Variants in SLIT3 observed in about 807,000 individuals in gnomAD.
SLIT3 encodes the protein slit homolog 3 protein.
SLIT3 carries 68 observed loss-of-function variants against 184.0 expected under a neutral mutation model. That is an observed-to-expected ratio of 0.37 (90% CI 0.30 to 0.45). The LOEUF (loss-of-function observed/expected upper bound fraction) is 0.45. SLIT3 is among the 20% of genes least tolerant of loss of function. SLIT3 has a pLI of 1.00. For missense variants in SLIT3, 1,707 were observed against 2,026.0 expected (o/e 0.84, Z 3.02); for synonymous variants, 831 against 828.6 (o/e 1.00, Z -0.05).
At chr5:169,281,878 C>CCG (rs1443799572) in intron 1 of SLIT3, among the ~76,000 whole-genome samples, 1 of 151,820 alleles carries the variant, frequency 6.6e-6, no homozygotes, top group Non-Finnish European at 1.5e-5. Context: ...GTAATTTTCC[C>CCG]CCCCAGGGGA....
intron 6 of SLIT3, among the ~76,000 whole-genome samples, chr5:168,824,639 C>T (rs991355024): frequency 2.6e-5 from 4 of 152,178 alleles, no homozygotes; most frequent in Non-Finnish European, 5.9e-5. Flanking sequence ...TCCCTGACCC[C>T]ACACCTGCCT....
intron 4 of SLIT3, among the ~76,000 whole-genome samples, chr5:168,976,243 G>A (rs1418783145): frequency 1.3e-5 from 2 of 152,176 alleles, no homozygotes; most frequent in Non-Finnish European, 2.9e-5. Context: ...AGCTCCCTGA[G>A]TCCACTTTCT....
At chr5:169,194,818 C>T (rs1327538229) in intron 3 of SLIT3, among the ~76,000 whole-genome samples, 2 of 152,136 alleles carry the variant, frequency 1.3e-5, no homozygotes, top group Non-Finnish European at 2.9e-5. Context: ...CACAGAAAGG[C>T]TACCTGAGTT....
At chr5:168,890,098 C>T (rs1188897793) in intron 4 of SLIT3, among the ~76,000 whole-genome samples, 2 of 149,042 alleles carry the variant, frequency 1.3e-5, no homozygotes, top group African/African-American at 2.5e-5. Context: ...CAAGATCACA[C>T]CACCGCACCC....
At chr5:168,682,671 G>A (rs1333643492) in intron 32 of SLIT3, among the ~76,000 whole-genome samples, 1 of 152,164 alleles carries the variant, frequency 6.6e-6, no homozygotes, top group Non-Finnish European at 1.5e-5. Context: ...GGGCGGTTTT[G>A]CTTCTAAGTA....
chr5:169,111,553 A>T (rs565308308), intron 4 of SLIT3, among the ~76,000 whole-genome samples: 1 of 152,260 alleles, frequency 6.6e-6, no homozygotes, highest in South Asian at 2.1e-4. Flanking sequence ...GGAGTTCAAG[A>T]CAAGCCTGGC....
intron 4 of SLIT3, among the ~76,000 whole-genome samples, chr5:168,987,229 G>A (rs1008821077): frequency 2.6e-5 from 4 of 151,964 alleles, no homozygotes; most frequent in Non-Finnish European, 5.9e-5. Flanking sequence ...CTTTACTCTG[G>A]ATTCCACTGC....
intron 4 of SLIT3, among the ~76,000 whole-genome samples, chr5:169,073,154 C>T (rs1266991056): frequency 6.6e-6 from 1 of 152,124 alleles, no homozygotes; most frequent in Non-Finnish European, 1.5e-5. Flanking sequence ...CCTCTCTTTT[C>T]CCAGTGCCTT....
chr5:168,740,910 A>G (rs1261689147), intron 20 of SLIT3, among the ~76,000 whole-genome samples: 1 of 152,236 alleles, frequency 6.6e-6, no homozygotes, highest in South Asian at 2.1e-4. Flanking sequence ...TTGGCACTCA[A>G]TTGGCCCAGG....
chr5:168,840,474 G>A (rs1758204575), intron 6 of SLIT3, among the ~76,000 whole-genome samples: 2 of 141,952 alleles, frequency 1.4e-5, no homozygotes, highest in South Asian at 2.2e-4. Flanking sequence ...ATGATGGTAC[G>A]TTAGTCAGGG....
At chr5:169,242,195 G>A (rs1215065616) in intron 3 of SLIT3, among the ~76,000 whole-genome samples, 1 of 152,198 alleles carries the variant, frequency 6.6e-6, no homozygotes, top group Non-Finnish European at 1.5e-5. Flanking sequence ...CAGGATTAAT[G>A]TCACACACAT....
intron 4 of SLIT3, among the ~76,000 whole-genome samples, chr5:168,935,407 T>C (rs1420933698): frequency 6.6e-6 from 1 of 152,168 alleles, no homozygotes; most frequent in Non-Finnish European, 1.5e-5. Context: ...GGATGATTTG[T>C]TCCTATTGTG....
intron 4 of SLIT3, among the ~76,000 whole-genome samples, chr5:169,078,641 A>G (rs1028931957): frequency 2.0e-5 from 3 of 152,184 alleles, no homozygotes; most frequent in African/African-American, 7.2e-5. Flanking sequence ...CTTCTAAGAA[A>G]TATGTCTAAA....
intron 7 of SLIT3, among the ~76,000 whole-genome samples, chr5:168,821,485 A>G (rs1195752798): frequency 5.3e-5 from 8 of 152,186 alleles, no homozygotes; most frequent in Non-Finnish European, 1.2e-4. Flanking sequence ...TCCCCAGCTC[A>G]TCTGTGGTTT....
chr5:168,939,132 A>C (rs1198541926), intron 4 of SLIT3, among the ~76,000 whole-genome samples: 1 of 152,146 alleles, frequency 6.6e-6, no homozygotes, highest in African/African-American at 2.4e-5. Flanking sequence ...GACTAAAAGA[A>C]CCCAATGCAG....
At chr5:169,093,900 C>T (rs1490340247) in intron 4 of SLIT3, among the ~76,000 whole-genome samples, 1 of 152,142 alleles carries the variant, frequency 6.6e-6, no homozygotes, top group Non-Finnish European at 1.5e-5. Flanking sequence ...TTAAAAAGTA[C>T]TAAGAATAGA....
chr5:168,813,388 T>G (rs1757230601), intron 8 of SLIT3, among the ~76,000 whole-genome samples: 2 of 151,484 alleles, frequency 1.3e-5, no homozygotes, highest in African/African-American at 4.8e-5. Flanking sequence ...ATCATGAACT[T>G]TGATAAAGTT....
At chr5:169,282,163 A>G (rs914659976) in intron 1 of SLIT3, among the ~76,000 whole-genome samples, 2 of 152,196 alleles carry the variant, frequency 1.3e-5, no homozygotes, top group African/African-American at 4.8e-5. Context: ...AGGTGGGAGA[A>G]CCAGCATCTA....
chr5:168,971,755 A>G (rs1028320643), intron 4 of SLIT3, among the ~76,000 whole-genome samples: 1 of 152,194 alleles, frequency 6.6e-6, no homozygotes, highest in African/African-American at 2.4e-5. Flanking sequence ...CTCCATAGAA[A>G]TGTCTGCTTT....
Sources: allele counts gnomAD v4.1 joint callset (sites outside exome capture counted in the v4.1 genomes callset), GRCh38; gene constraint gnomAD v4.1.1; transcripts MANE v1.5; gene names NCBI Gene and HGNC (gene_info 2026-07-23, HGNC 2026-07-21).